Variants in NTM observed in about 807,000 individuals in gnomAD.
NTM encodes IgLON family member 2.
In NTM, 13 loss-of-function variants were observed where a neutral mutation model predicts 42.1. The ratio of observed to expected loss-of-function variants is 0.31; its 90% confidence interval spans 0.20 to 0.49. NTM has a LOEUF of 0.49. Ranked by LOEUF, NTM falls within the 20% of genes least tolerant of loss-of-function variation. The pLI is 0.99. For synonymous variants in NTM, 187 were observed against 179.2 expected, an observed-to-expected ratio of 1.04 and a Z score of -0.35; for missense variants, 373 against 452.8, an observed-to-expected ratio of 0.82 and a Z score of 1.60.
chr11:131,657,047 G>T (rs2134409582), intron 1 of NTM, among the ~76,000 whole-genome samples: 1 of 151,800 alleles, frequency 6.6e-6, no homozygotes, highest in Admixed American at 6.6e-5. Flanking sequence ...TTAGCGGGGA[G>T]GAAGGCGGGC....
In NTM at chr11:131,780,976, G is replaced by A. The variant is rs557461132; in HGVS notation, c.83-130588G>A. Among the ~76,000 whole-genome samples, 16 of 152,146 alleles carry A rather than the reference G, an allele frequency of 1.1e-4. No individual in the cohort carries two copies. In the South Asian group the frequency reaches 3.1e-3, roughly 30 times the overall value. On this transcript the variant is annotated intron_variant, in intron 1 of 8. Transcript: ENST00000683400. ...AATACCATTACACCTAAAATGTAAC[G>A]GAGGAAACACAATTTTTAAAAAATT... is the stretch of plus-strand genomic sequence containing the variant.
intron 4 of NTM, among the ~76,000 whole-genome samples, chr11:132,305,221 T>C (rs1478954317): frequency 6.6e-6 from 1 of 152,176 alleles, no homozygotes; most frequent in African/African-American, 2.4e-5. Flanking sequence ...AAGAGCATAT[T>C]TGAATTATGG....
chr11:131,602,599 A>G (rs1347072960), intron 1 of NTM, among the ~76,000 whole-genome samples: 5 of 152,166 alleles, frequency 3.3e-5, no homozygotes, highest in Non-Finnish European at 7.3e-5. Context: ...AGGTGATCTC[A>G]TTTAAATGGC....
chr11:132,150,002 G>A (rs2071493926), intron 3 of NTM, among the ~76,000 whole-genome samples: 1 of 152,190 alleles, frequency 6.6e-6, no homozygotes, highest in Non-Finnish European at 1.5e-5. Flanking sequence ...GAATGCCTGA[G>A]GCTGGTAATT....
intron 1 of NTM, among the ~76,000 whole-genome samples, chr11:131,849,317 G>A (rs1204097393): frequency 6.6e-6 from 1 of 152,126 alleles, no homozygotes; most frequent in Non-Finnish European, 1.5e-5. Flanking sequence ...AGGTTTGATT[G>A]GCTCATGATT....
chr11:132,072,946 A>G (rs2057894600), intron 2 of NTM, among the ~76,000 whole-genome samples: 1 of 152,156 alleles, frequency 6.6e-6, no homozygotes, highest in Admixed American at 6.5e-5. Flanking sequence ...ACTCTTTGAA[A>G]GTTACTCTAT....
chr11:131,722,957 A>C (rs1407448731), intron 1 of NTM, among the ~76,000 whole-genome samples: 1 of 152,178 alleles, frequency 6.6e-6, no homozygotes, highest in East Asian at 1.9e-4. Flanking sequence ...TTACTTTCTT[A>C]TGATTTCCAC....
chr11:132,035,282 C>G (rs1344206012), intron 2 of NTM, among the ~76,000 whole-genome samples: 1 of 152,192 alleles, frequency 6.6e-6, no homozygotes, highest in Non-Finnish European at 1.5e-5. Flanking sequence ...TAATTATATA[C>G]TGCCTTGTGG....
Position 131,440,816 on chromosome 11 carries a change from T to TAA in NTM, c.82+69975_82+69976dup, listed in dbSNP as rs55915027. 2.6e-4 allele frequency among the ~76,000 whole-genome samples: 11 copies of TAA among 42,922 alleles called. 2 individuals are homozygous for TAA. Among genetic ancestry groups the TAA allele is most frequent in the African/African-American group, 4.1e-4 (4 of 9,712 alleles). The allele number at this position is 42,922 out of a possible 152,430, so 28.2% of individuals were successfully genotyped here. On this transcript the variant is annotated intron_variant, in intron 1 of 8. Coordinates refer to ENST00000683400, the MANE Select transcript of NTM (RefSeq NM_001352005.2). ...GTGCCACCCCTCACCACAGCCTCCA[T>TAA]AAAAAAAAAAAAAAAAAAAAAAAAA... is the stretch of plus-strand genomic sequence containing the variant.
chr11:131,517,588 CT>C (rs368596079), intron 1 of NTM, among the ~76,000 whole-genome samples: 2 of 152,142 alleles, frequency 1.3e-5, no homozygotes, highest in East Asian at 1.9e-4. Context: ...AAGCATCACT[CT>C]TTTTTTTCCC....
Position 131,598,826 on chromosome 11 carries a change from C to T in NTM, c.82+227938C>T, listed in dbSNP as rs1466615305. Reference sequence around the variant, plus strand: ...TTCTTTCTTTCTTCTTTCTTTCTTTCTTCTTTCTTTCTTTCTTTCTTTCTT... The same window carrying T: ...TTCTTTCTTTCTTCTTTCTTTCTTTTTTCTTTCTTTCTTTCTTTCTTTCTT... On this transcript the variant is annotated intron_variant, in intron 1 of 8. Transcript: ENST00000683400. 1.5e-4 allele frequency among the ~76,000 whole-genome samples: 6 copies of T among 40,432 alleles called. 2 individuals are homozygous for T. Among genetic ancestry groups the T allele is most frequent in the East Asian group, 1.3e-3 (2 of 1,488 alleles). The allele number at this position is 40,432 out of a possible 152,430, so 26.5% of individuals were successfully genotyped here.
In NTM at chr11:132,210,727, G is replaced by A. The variant is rs182994429; in HGVS notation, c.401-1295G>A. Among the ~76,000 whole-genome samples the A allele has an allele frequency of 1.5e-3, 236 of 152,282 alleles. 1 individual carries two copies. Among genetic ancestry groups the A allele is most frequent in the Middle Eastern group, 3.4e-3 (1 of 294 alleles). On this transcript the variant is annotated intron_variant, in intron 3 of 8. Coordinates refer to ENST00000683400, the MANE Select transcript of NTM (RefSeq NM_001352005.2). ...CAATGAGGTTCTACGACTGGACCCC[G>A]GAAAGAAACGCACACACATGCAATG...
chr11:131,637,227 T>TG (rs2134185798), intron 1 of NTM, among the ~76,000 whole-genome samples: 1 of 152,086 alleles, frequency 6.6e-6, no homozygotes, highest in South Asian at 2.1e-4. Flanking sequence ...CGGCTGGCTA[T>TG]GGTGAATGTG....
chr11:131,781,885 G>A (rs1172576734), intron 1 of NTM, among the ~76,000 whole-genome samples: 1 of 152,218 alleles, frequency 6.6e-6, no homozygotes, highest in Non-Finnish European at 1.5e-5. Flanking sequence ...GACTGCAGAA[G>A]GAGGTATAAA....
intron 1 of NTM, among the ~76,000 whole-genome samples, chr11:131,633,556 CCTCTCT>C (rs1248631683): frequency 7.1e-6 from 1 of 140,906 alleles, no homozygotes; most frequent in Non-Finnish European, 1.6e-5. Flanking sequence ...TCTATCTCTC[CCTCTCT>C]CTCTCTCTAC....
At chr11:132,218,572 T>C (rs1478094730) in intron 4 of NTM, among the ~76,000 whole-genome samples, 1 of 152,164 alleles carries the variant, frequency 6.6e-6, no homozygotes, top group Non-Finnish European at 1.5e-5. Flanking sequence ...ACCTAGGGTA[T>C]CTCCTGCACT....
chr11:132,173,067 A>G (rs2076324795), intron 3 of NTM, among the ~76,000 whole-genome samples: 1 of 152,216 alleles, frequency 6.6e-6, no homozygotes, highest in African/African-American at 2.4e-5. Flanking sequence ...AAACCTCACA[A>G]TATGCAGTGA....
intron 2 of NTM, among the ~76,000 whole-genome samples, chr11:132,031,250 A>C (rs11820533): frequency 6.6e-6 from 1 of 152,096 alleles, no homozygotes; most frequent in African/African-American, 2.4e-5. Context: ...GAACATCTTT[A>C]ACTTTTACTC....
At chr11:131,815,633 C>A (rs144322690) in intron 1 of NTM, among the ~76,000 whole-genome samples, 2 of 152,152 alleles carry the variant, frequency 1.3e-5, no homozygotes, top group African/African-American at 2.4e-5. Context: ...CCACTTCCCC[C>A]CTCCTGCTGC....
Sources: allele counts gnomAD v4.1 joint callset (sites outside exome capture counted in the v4.1 genomes callset), GRCh38; gene constraint gnomAD v4.1.1; transcripts MANE v1.5; gene names NCBI Gene and HGNC (gene_info 2026-07-23, HGNC 2026-07-21).